Variants in PTPRU observed in about 807,000 individuals in gnomAD.
PTPRU encodes the protein protein tyrosine phosphatase receptor type U.
PTPRU carries 69 observed loss-of-function variants against 166.3 expected under a neutral mutation model. The ratio of observed to expected loss-of-function variants is 0.41; its 90% CI spans 0.34 to 0.51. The LOEUF is 0.51. Among genes scored for constraint, PTPRU ranks in the 20% least tolerant of loss-of-function variants. PTPRU has a pLI of 0.09. For synonymous variants in PTPRU, 793 were observed against 814.0 expected (o/e 0.97, Z 0.44); for missense variants, 1,657 against 2,013.7 (o/e 0.82, Z 3.39).
Position 29,320,567 on chromosome 1 carries a change from C to T in PTPRU, c.3688-118C>T. ...ATGGCCCACTGGAGGCAGCCTGGTC[C>T]TGTGGGGCACAACCGTCCAACTCAG... On this transcript the variant is annotated intron_variant, in intron 25 of 29. Coordinates refer to ENST00000373779, the MANE Select transcript of PTPRU (RefSeq NM_133178.4). This position sits in a 1 kb window ranked among gnomAD's most constrained non-coding sequence, Gnocchi z 5.2. 8.1e-7 allele frequency: 1 copy of T among 1,235,488 alleles called. No individual in the cohort carries two copies. The highest frequency in any genetic ancestry group is 1.1e-6 in the Non-Finnish European group (1 of 926,206). The allele number at this position is 1,235,488 out of a possible 1,614,324, so 76.5% of individuals were successfully genotyped here.
chr1:29,239,044 C>G (rs916787716), intron 1 of PTPRU, among the ~76,000 whole-genome samples: 1 of 152,218 alleles, frequency 6.6e-6, no homozygotes, highest in African/African-American at 2.4e-5. Flanking sequence ...TGCAAAGCCC[C>G]AGACAGAGGC....
chr1:29,273,842 G>A (rs1685682751), intron 7 of PTPRU, among the ~76,000 whole-genome samples: 1 of 152,144 alleles, frequency 6.6e-6, no homozygotes, highest in Non-Finnish European at 1.5e-5. Flanking sequence ...TTGGGGAGGT[G>A]GGGAGTGGTG....
chr1:29,240,234 G>C (rs1031504829), intron 1 of PTPRU, among the ~76,000 whole-genome samples: 5 of 152,148 alleles, frequency 3.3e-5, no homozygotes, highest in African/African-American at 1.2e-4. Context: ...GGAAGTCGGG[G>C]GGTGGGGGTC....
chr1:29,317,734 C>T lies in PTPRU; in HGVS notation c.3514-14C>T, dbSNP rs745937002. ...CTGGACGTAACTCTCTGTCCCCACC[C>T]CCGCTCCCTGTAGACGCTGAACTCG... is the stretch of plus-strand genomic sequence containing the variant. On this transcript the variant is annotated splice_polypyrimidine_tract_variant and intron_variant, in intron 24 of 29. Transcript: ENST00000373779. The surrounding 1 kb of genome is among the most constrained non-coding windows in gnomAD (Gnocchi z 5.6). 1.3e-6 allele frequency: 2 copies of T among 1,599,348 alleles called. No homozygotes were observed. Among genetic ancestry groups the T allele is most frequent in the South Asian group, 1.1e-5 (1 of 90,010 alleles).
chr1:29,240,791 G>A (rs972637134), intron 1 of PTPRU, among the ~76,000 whole-genome samples: 1 of 151,940 alleles, frequency 6.6e-6, no homozygotes, highest in Non-Finnish European at 1.5e-5. Flanking sequence ...GGCTGGGGAG[G>A]AGGGAGGGAG....
intron 22 of PTPRU, 72 bp downstream of exon 22, chr1:29,312,778 G>C: frequency 6.6e-7 from 1 of 1,513,998 alleles, no homozygotes; most frequent in Non-Finnish European, 8.9e-7. Flanking sequence ...GGTCAGGTTG[G>C]TTCAGGATCT....
chr1:29,251,012 G>T (rs1008787646), intron 1 of PTPRU, among the ~76,000 whole-genome samples: 1 of 152,226 alleles, frequency 6.6e-6, no homozygotes. Context: ...AGCACTTTGG[G>T]AGGCCAAGGT....
At position 29,280,455 on chromosome 1, in the gene PTPRU, G is replaced by T. The variant is rs1395319554; in HGVS notation, c.1868+314G>T. Among the ~76,000 whole-genome samples, 7 of 152,186 alleles carry T rather than the reference G, an allele frequency of 4.6e-5. No homozygotes were observed. Among genetic ancestry groups the T allele is most frequent in the Non-Finnish European group, 1.0e-4 (7 of 68,034 alleles). ...ACCTTGGAGAAGTGAAACTCTGGGGGCCTTATATCATCCCAGCCTTTTCCT... is the reference window on the plus strand; with the variant it reads ...ACCTTGGAGAAGTGAAACTCTGGGGTCCTTATATCATCCCAGCCTTTTCCT... On this transcript the variant is annotated intron_variant, in intron 11 of 29. Transcript: ENST00000373779. The surrounding 1 kb of genome is among the most constrained non-coding windows in gnomAD (Gnocchi z 4.2).
At chr1:29,239,774 CCTT>C (rs1683957231) in intron 1 of PTPRU, among the ~76,000 whole-genome samples, 1 of 152,224 alleles carries the variant, frequency 6.6e-6, no homozygotes, top group Non-Finnish European at 1.5e-5. Flanking sequence ...TCATCTGTCT[CCTT>C]CTGTCCGTCC....
intron 1 of PTPRU, among the ~76,000 whole-genome samples, chr1:29,239,673 T>C (rs1337854892): frequency 6.6e-6 from 1 of 151,816 alleles, no homozygotes; most frequent in Non-Finnish European, 1.5e-5. Flanking sequence ...TTGCAGGGGG[T>C]ACCTTGTGCT....
At chr1:29,297,684 G>T (rs1026854534) in intron 15 of PTPRU, among the ~76,000 whole-genome samples, 1 of 152,162 alleles carries the variant, frequency 6.6e-6, no homozygotes, top group Non-Finnish European at 1.5e-5. Flanking sequence ...GATCAGGGTG[G>T]TGTGGGCTCA....
Position 29,260,595 on chromosome 1 carries a change from C to T in PTPRU, c.851-15C>T, listed in dbSNP as rs1014151049. ...CAGCATCGGTCCGCCTCGCCTCTCC[C>T]CCATCTCCTCGCAGAGCCCCCAACT... is the stretch of plus-strand genomic sequence containing the variant. On this transcript the variant is annotated splice_polypyrimidine_tract_variant and intron_variant, in intron 6 of 29. Coordinates refer to ENST00000373779, the MANE Select transcript of PTPRU (RefSeq NM_133178.4). The surrounding 1 kb of genome is among the most constrained non-coding windows in gnomAD (Gnocchi z 8.3). The T allele has an allele frequency of 9.4e-6, 14 of 1,487,198 alleles. No individual in the cohort carries two copies. The highest frequency in any genetic ancestry group is 1.3e-5 in the Non-Finnish European group (14 of 1,116,424). 92.1% of individuals were successfully genotyped at this position (1,487,198 alleles called of 1,614,324 possible).
At chr1:29,255,462 C>G (rs1684739017) in intron 2 of PTPRU, 56 bp downstream of exon 2, 3 of 1,600,780 alleles carry the variant, frequency 1.9e-6, no homozygotes, top group Admixed American at 3.3e-5. Flanking sequence ...GGCACTTCTA[C>G]CCACCTGCTG....
chr1:29,283,554 G>A (rs1686200398), intron 12 of PTPRU, among the ~76,000 whole-genome samples: 1 of 151,842 alleles, frequency 6.6e-6, no homozygotes, highest in African/African-American at 2.4e-5. Flanking sequence ...CCTAGGACCC[G>A]CCTCCTCCCT....
chr1:29,245,917 T>G (rs545221975), intron 1 of PTPRU, among the ~76,000 whole-genome samples: 119 of 152,358 alleles, frequency 7.8e-4, no homozygotes, highest in Non-Finnish European at 8.8e-5. Flanking sequence ...ATTGGGCACA[T>G]GGACTCTTTT....
intron 1 of PTPRU, among the ~76,000 whole-genome samples, chr1:29,240,326 A>G (rs943068473): frequency 6.6e-6 from 1 of 152,172 alleles, no homozygotes; most frequent in African/African-American, 2.4e-5. Context: ...AGAGCTGAGG[A>G]CAGAGACTGG....
rs759261859 is a variant in PTPRU, at chr1:29,284,750, G to A, written c.2199G>A (p.Lys733=). The change falls in exon 14 of 30, where the codon AAG becomes AAA. Residue 733 remains lysine (K), a synonymous_variant. Coordinates refer to ENST00000373779, the MANE Select transcript of PTPRU (RefSeq NM_133178.4). ...CCCCAGCTGCCTGCAAGGAAAGCAA[G>A]CGGCCCCTGGAGGTGTCCCAGAGAT... ...IARKAACKES[K]RPLEVSQRSE... is the part of the protein sequence containing the mutation. 8 of 1,614,084 alleles carry A rather than the reference G, an allele frequency of 5.0e-6. No individual in the cohort carries two copies. In the South Asian group the frequency reaches 5.5e-5, roughly 11 times the overall value.
Position 29,237,711 on chromosome 1 carries a change from T to C in PTPRU, c.73+994T>C, listed in dbSNP as rs1683837067. 1.3e-5 allele frequency among the ~76,000 whole-genome samples: 2 copies of C among 150,612 alleles called. No individual in the cohort carries two copies. Among genetic ancestry groups the C allele is most frequent in the Non-Finnish European group, 3.0e-5 (2 of 67,566 alleles). ...TCGGGCATGTCGGACTGTTTGTTGT[T>C]TCGCAAGTTCCGCGCGGCGCTGGCG... On this transcript the variant is annotated intron_variant, in intron 1 of 29. Transcript: ENST00000373779. This position sits in a 1 kb window ranked among gnomAD's most constrained non-coding sequence, Gnocchi z 6.4.
intron 5 of PTPRU, 56 bp downstream of exon 5, chr1:29,259,620 C>T (rs956903669): frequency 3.4e-6 from 5 of 1,461,724 alleles, no homozygotes; most frequent in African/African-American, 2.8e-5. Flanking sequence ...TTGGTGGCTG[C>T]TTCTGGCCCT....
Sources: gnomAD v4.1 joint callset for allele counts (sites outside exome capture counted in the v4.1 genomes callset) on GRCh38, gnomAD v4.1.1 for gene constraint, Gnocchi (gnomAD v3.1) non-coding constraint, MANE v1.5 for transcripts, NCBI Gene and HGNC (gene_info 2026-07-23, HGNC 2026-07-21) for gene names.